DNAH9: variants seen among roughly 807,000 people sequenced by gnomAD.
The protein encoded by DNAH9 is dynein axonemal heavy chain 9.
Under a neutral mutation model 471.6 loss-of-function variants are expected in DNAH9, and 345 were observed. That is an observed-to-expected ratio of 0.73 (90% CI 0.67 to 0.80). DNAH9 has a LOEUF of 0.80. DNAH9 is among the 30% of genes least tolerant of loss of function. The pLI is 0.00. For synonymous variants in DNAH9, 2,093 were observed against 2,123.6 expected (o/e 0.99, Z 0.40); for missense variants, 5,407 against 5,609.2 (o/e 0.96, Z 1.15).
chr17:11,923,652 T>C (rs1974215857), intron 61 of DNAH9, among the ~76,000 whole-genome samples, 162 bp from the exon 62 acceptor site: 1 of 152,164 alleles, frequency 6.6e-6, no homozygotes, highest in African/African-American at 2.4e-5. Context: ...CTGGAAGAAG[T>C]AGCCCCCTGT....
At position 11,608,209 on chromosome 17, in the gene DNAH9, C is replaced by G; in HGVS notation, c.498C>G (p.Ala166=). The G allele has an allele frequency of 6.2e-7, 1 of 1,613,948 alleles. No homozygotes were observed. The highest frequency in any genetic ancestry group is 8.5e-7 in the Non-Finnish European group (1 of 1,179,864). ...HMICEDVRRH[A]HSLQCDLSVI... is the part of the protein sequence containing the mutation. ...TATGTGAGGATGTCAGGCGGCACGCCCACAGCCTCCAATGTGACCTCTCAG... is the reference window on the plus strand; with the variant it reads ...TATGTGAGGATGTCAGGCGGCACGCGCACAGCCTCCAATGTGACCTCTCAG... Residue 166 remains alanine, a synonymous_variant, in exon 2 of 69, where the codon GCC becomes GCG. Transcript: ENST00000262442.
rs917407069 is a variant in DNAH9 at position 11,892,372 on chromosome 17, C to T, written c.11283+425C>T. Among the ~76,000 whole-genome samples, 3 of 152,062 alleles carry T rather than the reference C, an allele frequency of 2.0e-5. No homozygotes were observed. The highest frequency in any genetic ancestry group is 4.4e-5 in the Non-Finnish European group (3 of 68,022). On this transcript the variant is annotated intron_variant, in intron 58 of 68. Coordinates refer to ENST00000262442, the MANE Select transcript of DNAH9 (RefSeq NM_001372.4). The surrounding 1 kb of genome is among the most constrained non-coding windows in gnomAD (Gnocchi z 4.3). ...CTGCAAGTTTACTGATGCAGCCATC[C>T]CCCGGGATAAGAAATTGCACAGGTC...
rs376635805 is a variant in DNAH9 at position 11,863,415 on chromosome 17, C to T, written c.9934-5719C>T. ...AAGCTTTTTGATGTGCTGCTGGATT[C>T]GGTTTGCCAGTATTTTATTGAGGAT... On this transcript the variant is annotated intron_variant, in intron 50 of 68. Transcript: ENST00000262442. Among the ~76,000 whole-genome samples the T allele has an allele frequency of 3.5e-3, 530 of 152,142 alleles. 3 individuals are homozygous for T. Among genetic ancestry groups the T allele is most frequent in the Non-Finnish European group, 6.2e-3 (421 of 68,002 alleles).
chr17:11,930,950 G>A (rs962614291), intron 63 of DNAH9, among the ~76,000 whole-genome samples: 1 of 152,148 alleles, frequency 6.6e-6, no homozygotes, highest in Non-Finnish European at 1.5e-5. Context: ...TCCATTATGG[G>A]GAATTTCAAG....
Position 11,669,420 on chromosome 17 carries a change from G to A in DNAH9, c.2979G>A (p.Met993Ile). ...TGGCAAACATGCGGCGCACACTCAT[G>A]GAGAGAGTCCAGAGAATGATGGGCC... ...PDLANMRRTL[M>I]ERVQRMMGLC... Residue 993 changes from methionine to isoleucine, a missense_variant, in exon 17 of 69, where the codon ATG (methionine) becomes ATA (isoleucine). Coordinates refer to ENST00000262442, the MANE Select transcript of DNAH9 (RefSeq NM_001372.4). The A allele has an allele frequency of 1.9e-6, 3 of 1,614,082 alleles. No individual in the cohort carries two copies. Among genetic ancestry groups the A allele is most frequent in the Non-Finnish European group, 2.5e-6 (3 of 1,180,008 alleles).
At chr17:11,620,472 A>C (rs11655225) in intron 6 of DNAH9, among the ~76,000 whole-genome samples, 1 of 141,850 alleles carries the variant, frequency 7.0e-6, no homozygotes, top group African/African-American at 2.6e-5. Flanking sequence ...CGATCACACC[A>C]TTGCACTCCA....
chr17:11,847,092 A>G (rs929082190), intron 49 of DNAH9, among the ~76,000 whole-genome samples: 7 of 152,164 alleles, frequency 4.6e-5, no homozygotes, highest in Non-Finnish European at 8.8e-5. Flanking sequence ...TAAGTTCCTT[A>G]TAGCTGCTGG....
chr17:11,969,182 C>A, intron 68 of DNAH9, 118 bp from the exon 69 acceptor site: 1 of 824,402 alleles, frequency 1.2e-6, no homozygotes, highest in Non-Finnish European at 1.9e-6. Context: ...AGGGGGCAGG[C>A]ATAAAGGCAG....
Position 11,704,359 on chromosome 17 carries a change from A to G in DNAH9, c.5308A>G (p.Lys1770Glu), listed in dbSNP as rs1407777305. Reference sequence around the variant, plus strand: ...CACCATGCTGATTGGCCAGCTCTCCAAGGGAGACCGGCAGAAGATTATGAC... The same window carrying G: ...CACCATGCTGATTGGCCAGCTCTCCGAGGGAGACCGGCAGAAGATTATGAC... The part of the protein sequence containing the change: ...LITMLIGQLS[K>E]GDRQKIMTIC... Residue 1770 changes from lysine to glutamate, a missense_variant, in exon 25 of 69, where the codon AAG (lysine) becomes GAG (glutamate). Physicochemically the swap from Lys to Glu is moderately conservative, Grantham distance 56. Coordinates refer to ENST00000262442, the MANE Select transcript of DNAH9 (RefSeq NM_001372.4). 1 of 1,614,058 alleles carries G rather than the reference A, an allele frequency of 6.2e-7. No individual in the cohort carries two copies. Among genetic ancestry groups the G allele is most frequent in the African/African-American group, 1.3e-5 (1 of 74,932 alleles).
intron 61 of DNAH9, among the ~76,000 whole-genome samples, chr17:11,920,262 C>T (rs1974094337): frequency 6.6e-6 from 1 of 151,588 alleles, no homozygotes; most frequent in Non-Finnish European, 1.5e-5. Flanking sequence ...CCTTGAACTC[C>T]CGACCTCAGG....
In DNAH9 at chr17:11,969,450, T is replaced by C. The variant is rs8074656; in HGVS notation, c.13384T>C (p.Trp4462Arg). Reference sequence around the variant, plus strand: ...TAGTCAGCGGGGACCCACCTACGTGTGGACTTTCAACCTGAAGACTAAGGA... The same window carrying C: ...TAGTCAGCGGGGACCCACCTACGTGCGGACTTTCAACCTGAAGACTAAGGA... Reference protein sequence around the residue: ...KTSQRGPTYVWTFNLKTKENP... With the variant: ...KTSQRGPTYVRTFNLKTKENP... Residue 4462 changes from tryptophan (W) to arginine (R), a missense_variant, in exon 69 of 69, where the codon TGG becomes CGG. Physicochemically the swap from Trp to Arg is moderately radical, Grantham distance 101. Around this residue, in one of 3 missense-constraint regions of DNAH9, gnomAD observed 4,636 missense variants for 4,900.3 expected, o/e 0.95. Transcript: ENST00000262442. The C allele has an allele frequency of 2.5e-3, 4,065 of 1,613,510 alleles. 96 individuals are homozygous for C. In the African/African-American group the frequency reaches 0.047, roughly 19 times the overall value.
chr17:11,813,563 C>T (rs550156011), intron 45 of DNAH9, among the ~76,000 whole-genome samples: 66 of 152,306 alleles, frequency 4.3e-4, no homozygotes, highest in African/African-American at 1.6e-3. Flanking sequence ...TTGCAATTCA[C>T]TCATCCCTCT....
At chr17:11,774,134 C>A (rs1419880177) in intron 38 of DNAH9, among the ~76,000 whole-genome samples, 1 of 152,020 alleles carries the variant, frequency 6.6e-6, no homozygotes, top group Non-Finnish European at 1.5e-5. Context: ...AGATCCCTGC[C>A]ACAAAATAAA....
intron 39 of DNAH9, among the ~76,000 whole-genome samples, chr17:11,783,213 G>A (rs1395320398): frequency 6.6e-6 from 1 of 152,158 alleles, no homozygotes; most frequent in African/African-American, 2.4e-5. Flanking sequence ...GTGGAAAAGA[G>A]GGATGAGGAA....
chr17:11,694,520 C>T, intron 22 of DNAH9, 73 bp downstream of exon 22: 2 of 1,526,126 alleles, frequency 1.3e-6, no homozygotes, highest in African/African-American at 1.4e-5. Flanking sequence ...GTTTCTGGCT[C>T]CCCATCATGC....
In DNAH9 at chr17:11,701,221, C is replaced by A; in HGVS notation, c.5125C>A (p.Gln1709Lys). 6.2e-7 allele frequency: 1 copy of A among 1,613,802 alleles called. No individual in the cohort carries two copies. Among genetic ancestry groups the A allele is most frequent in the Non-Finnish European group, 8.5e-7 (1 of 1,179,980 alleles). ...VTAYEEKPRE[Q>K]WLFDHPAQVA... ...TGCCTATGAAGAAAAGCCGAGGGAG[C>A]AGTGGCTTTTTGACCACCCAGCTCA... is the stretch of plus-strand genomic sequence containing the variant. The change falls in exon 24 of 69, where the codon CAG becomes AAG. Residue 1709 changes from glutamine to lysine, a missense_variant. By Grantham distance (53) the Gln-to-Lys change is moderately conservative. Transcript: ENST00000262442.
intron 46 of DNAH9, 130 bp from the exon 47 acceptor site, chr17:11,822,308 T>C: frequency 8.5e-7 from 1 of 1,180,724 alleles, no homozygotes; most frequent in South Asian, 1.5e-5. Flanking sequence ...TGGCTAGCAT[T>C]TACAGATATT....
rs539579666 is a variant in DNAH9 at position 11,670,386 on chromosome 17, C to T, written c.3353+592C>T. 7.9e-5 allele frequency among the ~76,000 whole-genome samples: 12 copies of T among 152,292 alleles called. No homozygotes were observed. The South Asian group carries it at 1.7e-3, about 21-fold the overall frequency. On this transcript the variant is annotated intron_variant, in intron 17 of 68. Transcript: ENST00000262442. ...AGTCAACAGTCCCCCGGTCACTTTA[C>T]CTTGGCCTGGTCCCCAGATACCCAC...
intron 39 of DNAH9, 114 bp from the exon 40 acceptor site, chr17:11,783,532 C>A: frequency 1.4e-6 from 1 of 695,310 alleles, no homozygotes; most frequent in Non-Finnish European, 2.4e-6. Context: ...TGGATCTAGA[C>A]TTTTTTATCA....
Sources: allele counts gnomAD v4.1 joint callset (sites outside exome capture counted in the v4.1 genomes callset), GRCh38; gene constraint gnomAD v4.1.1; regional missense constraint gnomAD v4.1.1; non-coding constraint Gnocchi (gnomAD v3.1); transcripts MANE v1.5; gene names NCBI Gene and HGNC (gene_info 2026-07-23, HGNC 2026-07-21).